Variants in ABCA13 observed in about 807,000 individuals in gnomAD.
The protein encoded by ABCA13 is ATP binding cassette subfamily A member 13.
ABCA13 carries 476 observed loss-of-function variants against 478.7 expected under a neutral mutation model. That is an observed-to-expected ratio of 0.99 (90% confidence interval 0.92 to 1.07). The LOEUF (loss-of-function observed/expected upper bound fraction) is 1.07, where lower values mean the gene tolerates loss of function less well. ABCA13 is among the 50% of genes least tolerant of loss of function. The probability of loss-of-function intolerance (pLI) is 0.00; values close to 1 mark genes in which losing one functional copy is unlikely to be tolerated. For missense variants in ABCA13, 6,060 were observed against 5,910.6 expected, an observed-to-expected ratio of 1.03 and a Z score of -0.83; for synonymous variants, 2,252 against 2,158.9, an observed-to-expected ratio of 1.04 and a Z score of -1.20.
intron 33 of ABCA13, among the ~76,000 whole-genome samples, chr7:48,373,946 T>G (rs895438396): frequency 2.6e-5 from 4 of 152,192 alleles, no homozygotes; most frequent in Non-Finnish European, 5.9e-5. Flanking sequence ...TTCTTTCTAG[T>G]GTAGAATAGT....
chr7:48,414,649 A>G (rs912317987), intron 41 of ABCA13, among the ~76,000 whole-genome samples: 2 of 151,364 alleles, frequency 1.3e-5, no homozygotes, highest in Non-Finnish European at 2.9e-5. Context: ...AAACATATAT[A>G]TATGTTCAGG....
chr7:48,380,944 C>A (rs910676588), intron 35 of ABCA13, among the ~76,000 whole-genome samples: 1 of 152,186 alleles, frequency 6.6e-6, no homozygotes, highest in East Asian at 1.9e-4. Flanking sequence ...AAGGTACCAG[C>A]CAACTAGGGA....
chr7:48,445,623 C>T (rs1824196863), intron 42 of ABCA13, among the ~76,000 whole-genome samples: 1 of 152,164 alleles, frequency 6.6e-6, no homozygotes, highest in Admixed American at 6.5e-5. Flanking sequence ...GCAGAGTCTT[C>T]TTCAACTTGC....
chr7:48,524,164 A>G, intron 53 of ABCA13, 84 bp from the exon 54 acceptor site: 1 of 1,314,976 alleles, frequency 7.6e-7, no homozygotes, highest in Non-Finnish European at 1.0e-6. Flanking sequence ...TCAATTTTTT[A>G]CAAATCTCTG....
chr7:48,262,377 C>T (rs1434106566), intron 15 of ABCA13, among the ~76,000 whole-genome samples: 1 of 151,810 alleles, frequency 6.6e-6, no homozygotes, highest in Non-Finnish European at 1.5e-5. Context: ...ATTTTTAGTT[C>T]AACCTCTCAT....
At chr7:48,237,465 G>A (rs904233875) in intron 8 of ABCA13, among the ~76,000 whole-genome samples, 5 of 152,184 alleles carry the variant, frequency 3.3e-5, no homozygotes, top group African/African-American at 1.2e-4. Context: ...TGGTTAGCTT[G>A]GTATATGCCC....
chr7:48,227,561 T>TCC, intron 6 of ABCA13, 136 bp downstream of exon 6: 1 of 1,026,500 alleles, frequency 9.7e-7, no homozygotes, highest in Non-Finnish European at 1.4e-6. Flanking sequence ...CAAGAGGAGC[T>TCC]TCTGCACCTC....
intron 59 of ABCA13, chr7:48,626,508 TAA>T: frequency 1.6e-6 from 1 of 608,826 alleles, no homozygotes; most frequent in Non-Finnish European, 2.1e-6. Flanking sequence ...AATTCTAAGG[TAA>T]AAAAAAGGCA....
At chr7:48,642,701 T>C (rs1293101694) in intron 59 of ABCA13, among the ~76,000 whole-genome samples, 3 of 152,184 alleles carry the variant, frequency 2.0e-5, no homozygotes, top group Non-Finnish European at 4.4e-5. Context: ...GTCTTGCTGA[T>C]GGGACACCAG....
chr7:48,217,674 G>A (rs565084052), intron 3 of ABCA13, among the ~76,000 whole-genome samples: 2 of 152,192 alleles, frequency 1.3e-5, no homozygotes, highest in African/African-American at 2.4e-5. Context: ...AAGGCCCCAT[G>A]TACTTCTGAC....
At chr7:48,359,477 TCCATGAAAAGGAAAG>T in intron 31 of ABCA13, among the ~76,000 whole-genome samples, 1 of 151,958 alleles carries the variant, frequency 6.6e-6, no homozygotes. Context: ...TGCCTCTGGT[TCCATGAAAAGGAAAG>T]GGAGGATAAA....
At chr7:48,419,300 T>G (rs944200318) in intron 41 of ABCA13, among the ~76,000 whole-genome samples, 6 of 152,236 alleles carry the variant, frequency 3.9e-5, no homozygotes, top group African/African-American at 1.4e-4. Flanking sequence ...AGTAGTCACC[T>G]TTCTTTTACA....
intron 31 of ABCA13, among the ~76,000 whole-genome samples, chr7:48,362,650 T>A (rs1189570020): frequency 6.6e-6 from 1 of 151,714 alleles, no homozygotes; most frequent in African/African-American, 2.4e-5. Flanking sequence ...TAAGCTAATA[T>A]TTAATAATGT....
chr7:48,330,113 TTATC>T (rs1181512269), intron 27 of ABCA13, among the ~76,000 whole-genome samples: 3 of 139,680 alleles, frequency 2.1e-5, no homozygotes, highest in Non-Finnish European at 4.6e-5. Flanking sequence ...ATCCATTAAT[TTATC>T]TATCCATCCA....
At chr7:48,501,784 C>A (rs529870824) in intron 48 of ABCA13, among the ~76,000 whole-genome samples, 2 of 152,158 alleles carry the variant, frequency 1.3e-5, no homozygotes, top group Non-Finnish European at 2.9e-5. Context: ...TTGAGGTTTT[C>A]ATTTCTATGT....
chr7:48,574,846 T>A (rs1788016434), intron 55 of ABCA13, among the ~76,000 whole-genome samples: 1 of 152,194 alleles, frequency 6.6e-6, no homozygotes, highest in Admixed American at 6.6e-5. Context: ...TAATTCCTAG[T>A]CTTTAAATAG....
chr7:48,371,795 A>C (rs1275005970), intron 32 of ABCA13, among the ~76,000 whole-genome samples: 1 of 151,924 alleles, frequency 6.6e-6, no homozygotes, highest in African/African-American at 2.4e-5. Flanking sequence ...TCTCTTGTCT[A>C]TTTGGCCTGG....
intron 42 of ABCA13, among the ~76,000 whole-genome samples, chr7:48,447,914 A>T (rs1365381513): frequency 1.3e-5 from 2 of 152,206 alleles, no homozygotes. Flanking sequence ...GAGGGAGATG[A>T]ACATTGGGCT....
Position 48,634,875 on chromosome 7 carries a change from G to A in ABCA13, c.14838-8413G>A, listed in dbSNP as rs116927804. Reference sequence around the variant, plus strand: ...GTATTTTATAAAGTAACTTGGGATTGCTTCTGCCTCGTTGTTTTACCCACA... The same window carrying A: ...GTATTTTATAAAGTAACTTGGGATTACTTCTGCCTCGTTGTTTTACCCACA... On this transcript the variant is annotated intron_variant, in intron 59 of 61. Coordinates refer to ENST00000435803, the MANE Select transcript of ABCA13 (RefSeq NM_152701.5). 6.8e-3 allele frequency among the ~76,000 whole-genome samples: 1,038 copies of A among 152,196 alleles called. 6 individuals carry two copies. Among genetic ancestry groups the A allele is most frequent in the Non-Finnish European group, 9.9e-3 (673 of 68,014 alleles).
Sources: gnomAD v4.1 joint callset for allele counts (sites outside exome capture counted in the v4.1 genomes callset) on GRCh38, gnomAD v4.1.1 for gene constraint, MANE v1.5 for transcripts, NCBI Gene and HGNC (gene_info 2026-07-23, HGNC 2026-07-21) for gene names.